Variants in TSNARE1 observed in about 807,000 individuals in gnomAD.
TSNARE1 encodes the protein t-SNARE domain containing 1, also known as t-SNARE domain-containing protein 1.
Under a neutral mutation model 62.0 loss-of-function variants are expected in TSNARE1, and 49 were observed. The ratio of observed to expected loss-of-function variants is 0.79; its 90% confidence interval spans 0.63 to 1.00. The LOEUF (loss-of-function observed/expected upper bound fraction) is 1.00. Ranked by LOEUF, TSNARE1 falls within the 50% of genes least tolerant of loss-of-function variation. The pLI is 0.00. For synonymous variants in TSNARE1, 328 were observed against 294.4 expected, an observed-to-expected ratio of 1.11 and a Z score of -1.17; for missense variants, 755 against 700.1, an observed-to-expected ratio of 1.08 and a Z score of -0.88.
chr8:142,321,490 T>C (rs944005728), intron 6 of TSNARE1, among the ~76,000 whole-genome samples: 1 of 152,058 alleles, frequency 6.6e-6, no homozygotes, highest in Non-Finnish European at 1.5e-5. Flanking sequence ...GTTCAATAAT[T>C]AATAAAATAG....
chr8:142,287,105 C>T (rs1822889193), intron 10 of TSNARE1, among the ~76,000 whole-genome samples: 1 of 152,148 alleles, frequency 6.6e-6, no homozygotes, highest in African/African-American at 2.4e-5. Flanking sequence ...GGGGTGGCAC[C>T]CAAGGCCACC....
At chr8:142,230,836 C>T (rs1286629002) in intron 12 of TSNARE1, among the ~76,000 whole-genome samples, 1 of 152,004 alleles carries the variant, frequency 6.6e-6, no homozygotes, top group Non-Finnish European at 1.5e-5. Context: ...ACCCACCTAT[C>T]CATCCACCCA....
intron 12 of TSNARE1, chr8:142,271,814 C>T (rs572023547): frequency 1.0e-5 from 6 of 596,288 alleles, no homozygotes; most frequent in African/African-American, 5.8e-5. Context: ...ATGGGTCTCA[C>T]GATGCTCCGT....
intron 1 of TSNARE1, among the ~76,000 whole-genome samples, chr8:142,375,563 G>A (rs1458879167): frequency 6.6e-6 from 1 of 152,202 alleles, no homozygotes; most frequent in Non-Finnish European, 1.5e-5. Flanking sequence ...TGAATGCTCA[G>A]CCCACTGGGC....
intron 1 of TSNARE1, among the ~76,000 whole-genome samples, chr8:142,384,790 G>A (rs1287841222): frequency 6.6e-6 from 1 of 152,186 alleles, no homozygotes; most frequent in African/African-American, 2.4e-5. Flanking sequence ...TCTTAGCTAT[G>A]ACAGACACCA....
intron 1 of TSNARE1, among the ~76,000 whole-genome samples, chr8:142,363,924 TG>T (rs780607996): frequency 7.2e-5 from 11 of 152,178 alleles, no homozygotes; most frequent in Non-Finnish European, 1.2e-4. Flanking sequence ...AGGACCTGTC[TG>T]GGGGTCAAAG....
chr8:142,373,052 C>T (rs1228604356), intron 1 of TSNARE1, among the ~76,000 whole-genome samples: 1 of 152,218 alleles, frequency 6.6e-6, no homozygotes, highest in African/African-American at 2.4e-5. Flanking sequence ...CTAGGCCTCC[C>T]CCGTCACCTG....
intron 10 of TSNARE1, among the ~76,000 whole-genome samples, chr8:142,299,436 G>T (rs1471971754): frequency 5.9e-5 from 9 of 152,370 alleles, no homozygotes; most frequent in African/African-American, 2.2e-4. Context: ...AGAGTGGGCA[G>T]GCCCTAGCGC....
intron 10 of TSNARE1, among the ~76,000 whole-genome samples, chr8:142,285,490 T>A (rs1212931084): frequency 4.3e-5 from 4 of 93,626 alleles, no homozygotes; most frequent in African/African-American, 1.8e-4. Flanking sequence ...GGTAGATGGG[T>A]GGATAGGTGG....
intron 13 of TSNARE1, among the ~76,000 whole-genome samples, chr8:142,214,030 C>T (rs1563747806): frequency 6.6e-6 from 1 of 152,208 alleles, no homozygotes; most frequent in Non-Finnish European, 1.5e-5. Flanking sequence ...ACCTGTCCTG[C>T]CCCCAAGGCT....
chr8:142,381,522 G>A (rs370807400), intron 1 of TSNARE1, among the ~76,000 whole-genome samples: 8 of 152,112 alleles, frequency 5.3e-5, no homozygotes, highest in East Asian at 3.9e-4. Context: ...GCTCAGGGAC[G>A]GTGGCACAGG....
At chr8:142,237,902 G>A (rs577571355) in intron 12 of TSNARE1, among the ~76,000 whole-genome samples, 42 of 152,256 alleles carry the variant, frequency 2.8e-4, no homozygotes, top group African/African-American at 8.9e-4. Flanking sequence ...GAGAAGCGTC[G>A]GGTTGGGGGA....
intron 12 of TSNARE1, 45 bp downstream of exon 12, chr8:142,274,736 C>T (rs762135509): frequency 1.9e-5 from 27 of 1,449,528 alleles, no homozygotes; most frequent in East Asian, 5.5e-5. Context: ...GGATAGGGGA[C>T]GGAGGCCGGG....
Position 142,330,083 on chromosome 8 carries a change from C to T in TSNARE1, c.893+818G>A, listed in dbSNP as rs138533173. Among the ~76,000 whole-genome samples, 356 of 152,348 alleles carry T rather than the reference C, an allele frequency of 2.3e-3. 4 individuals carry two copies. The highest frequency in any genetic ancestry group is 8.0e-3 in the African/African-American group (334 of 41,592). On this transcript the variant is annotated intron_variant, in intron 6 of 13. Coordinates refer to ENST00000524325, the MANE Select transcript of TSNARE1 (RefSeq NM_145003.5). ...TCTGCACAGGGGAGTGCGAGGACAA[C>T]GTCCCAGTGCAGTGGCCTGGGGCTG...
At chr8:142,300,329 G>A (rs1333916992) in intron 10 of TSNARE1, 157 bp downstream of exon 10, 1 of 775,190 alleles carries the variant, frequency 1.3e-6, no homozygotes, top group East Asian at 2.8e-5. Context: ...GATGGCCAGA[G>A]AGAGGTGGTT....
intron 12 of TSNARE1, chr8:142,270,477 T>C (rs1819424943): frequency 3.8e-5 from 34 of 903,918 alleles, no homozygotes; most frequent in Non-Finnish European, 4.3e-5. Context: ...AAGTAATATA[T>C]AGGCATATAT....
intron 1 of TSNARE1, among the ~76,000 whole-genome samples, chr8:142,360,580 C>G (rs568532902): frequency 1.3e-5 from 2 of 152,298 alleles, no homozygotes; most frequent in Admixed American, 6.5e-5. Flanking sequence ...CCCGCCGAGG[C>G]CAGCCACCAG....
At chr8:142,393,459 G>A (rs1012018004) in intron 1 of TSNARE1, among the ~76,000 whole-genome samples, 1 of 152,244 alleles carries the variant, frequency 6.6e-6, no homozygotes, top group African/African-American at 2.4e-5. Context: ...TACTGTCCTC[G>A]TTCTGCACAA....
chr8:142,246,766 C>T (rs1219811679), intron 12 of TSNARE1, among the ~76,000 whole-genome samples: 1 of 152,190 alleles, frequency 6.6e-6, no homozygotes. Context: ...TGGCCTGAGC[C>T]CAAACGCCTG....
Sources: gnomAD v4.1 joint callset for allele counts (sites outside exome capture counted in the v4.1 genomes callset) on GRCh38, gnomAD v4.1.1 for gene constraint, MANE v1.5 for transcripts, NCBI Gene and HGNC (gene_info 2026-07-23, HGNC 2026-07-21) for gene names.